Variants in TBC1D24 observed in about 807,000 individuals in gnomAD.
TBC1D24 encodes the protein Infantile myoclonic epilepsy.
A neutral mutation model predicts 50.7 loss-of-function variants in TBC1D24; 47 were observed. That is an observed-to-expected ratio of 0.93 (90% CI 0.73 to 1.18). TBC1D24 has a LOEUF of 1.18. Ranked by LOEUF, TBC1D24 falls within the 50% of genes most tolerant of loss-of-function variation. TBC1D24 has a pLI of 0.00. For missense variants in TBC1D24, 688 were observed against 766.5 expected (o/e 0.90, Z 1.21); for synonymous variants, 324 against 335.2 (o/e 0.97, Z 0.36).
chr16:2,495,440 G>C (rs1460811125), intron 1 of TBC1D24, among the ~76,000 whole-genome samples: 1 of 152,194 alleles, frequency 6.6e-6, no homozygotes, highest in Admixed American at 6.5e-5. Flanking sequence ...GAGCCCAGGA[G>C]TTCAAGACCA....
rs1438047924 is a variant in TBC1D24, at chr16:2,500,071, G to A, written c.1302+141G>A. 1 of 973,054 alleles carries A rather than the reference G, an allele frequency of 1.0e-6. No individual in the cohort carries two copies. The highest frequency in any genetic ancestry group is 1.6e-6 in the Non-Finnish European group (1 of 611,290). The allele number at this position is 973,054 out of a possible 1,614,324, so 60.3% of individuals were successfully genotyped here. On this transcript the variant is annotated intron_variant, in intron 6 of 7. Coordinates refer to ENST00000646147, the MANE Select transcript of TBC1D24 (RefSeq NM_001199107.2). The surrounding 1 kb of genome is among the most constrained non-coding windows in gnomAD (Gnocchi z 8.0). ...GCGTCATCGCCCTGTGTGCTTCCGGGTTTGATCATTCAGCCGTGCGCTGCT... is the reference window on the plus strand; with the variant it reads ...GCGTCATCGCCCTGTGTGCTTCCGGATTTGATCATTCAGCCGTGCGCTGCT...
intron 1 of TBC1D24, among the ~76,000 whole-genome samples, chr16:2,492,675 T>C (rs1263279141): frequency 2.0e-5 from 3 of 152,276 alleles, no homozygotes; most frequent in South Asian, 4.1e-4. Flanking sequence ...GGCCTGACCT[T>C]CAGGACCAGG....
At position 2,486,737 on chromosome 16, in the gene TBC1D24, GA is replaced by G. The variant is rs2065653705; in HGVS notation, c.-115-9295del. ...CTGAGCTGCTCTGGCATTTGCCTAA[GA>G]AGCATCTGTATCGAAACTGGCTTTG... On this transcript the variant is annotated intron_variant, in intron 1 of 7. Coordinates refer to ENST00000646147, the MANE Select transcript of TBC1D24 (RefSeq NM_001199107.2). The surrounding 1 kb of genome is among the most constrained non-coding windows in gnomAD (Gnocchi z 5.8). Among the ~76,000 whole-genome samples, 1 of 152,232 alleles carries G rather than the reference GA, an allele frequency of 6.6e-6. No homozygotes were observed. The highest frequency in any genetic ancestry group is 1.5e-5 in the Non-Finnish European group (1 of 68,036).
intron 1 of TBC1D24, 36 bp from the exon 2 acceptor site, chr16:2,495,998 A>C (rs1469932925): frequency 1.0e-6 from 1 of 981,008 alleles, no homozygotes; most frequent in Non-Finnish European, 1.5e-6. Flanking sequence ...TGAACCTTGA[A>C]ACACAGATGC....
rs2065745564 is a variant in TBC1D24 at position 2,496,779 on chromosome 16, G to A, written c.631G>A (p.Asp211Asn). The A allele has an allele frequency of 6.2e-7, 1 of 1,613,992 alleles. No homozygotes were observed. Among genetic ancestry groups the A allele is most frequent in the Non-Finnish European group, 8.5e-7 (1 of 1,180,050 alleles). The change falls in exon 2 of 8, where the codon GAC becomes AAC. Residue 211 changes from aspartate to asparagine, a missense_variant. Asp to Asn is a conservative substitution (Grantham distance 23). Transcript: ENST00000646147. ...VSEDVLQVYA[D>N]WQRWLFGELP... ...GGAGGATGTCCTGCAGGTCTATGCG[G>A]ACTGGCAGCGCTGGCTGTTTGGGGA...
At chr16:2,490,434 C>A (rs1247213419) in intron 1 of TBC1D24, among the ~76,000 whole-genome samples, 8 of 152,170 alleles carry the variant, frequency 5.3e-5, no homozygotes, top group Non-Finnish European at 1.5e-5. Context: ...GTGTTCATGG[C>A]GAGCAGCGAT....
At chr16:2,477,657 G>C (rs1042274121) in intron 1 of TBC1D24, 17 of 152,346 alleles carry the variant, frequency 1.1e-4, no homozygotes, top group African/African-American at 3.4e-4. Flanking sequence ...TTAAGACTTG[G>C]TCTCTGCCCT....
chr16:2,500,863 C>T lies in TBC1D24; in HGVS notation c.1585C>T (p.His529Tyr). The change falls in exon 8 of 8, where the codon CAC becomes TAC. Residue 529 changes from histidine (H) to tyrosine (Y), a missense_variant. By Grantham distance (83) the His-to-Tyr change is moderately conservative. Transcript: ENST00000646147. The surrounding 1 kb of genome is among the most constrained non-coding windows in gnomAD (Gnocchi z 8.0). The stretch of plus-strand genomic sequence containing the variant: ...GGACCTGAACCGGGGCCGCACAAGC[C>T]ACTGCGACACCTTCAACAACCAGCC... ...DGDLNRGRTS[H>Y]CDTFNNQPLC... 6.2e-7 allele frequency: 1 copy of T among 1,612,630 alleles called. No homozygotes were observed. The highest frequency in any genetic ancestry group is 8.5e-7 in the Non-Finnish European group (1 of 1,179,962).
rs992955244 is a variant in TBC1D24 at position 2,502,842 on chromosome 16, C to T, written c.*1884C>T. 4 of 152,920 alleles carry T rather than the reference C, an allele frequency of 2.6e-5. No individual in the cohort carries two copies. Among genetic ancestry groups the T allele is most frequent in the Non-Finnish European group, 4.4e-5 (3 of 68,120 alleles). The allele number at this position is 152,920 out of a possible 1,614,324, so 9.5% of individuals were successfully genotyped here. A position where few individuals can be genotyped will look rare whatever the true frequency, so the allele number is the denominator to read the frequency against. On this transcript the variant is annotated 3_prime_UTR_variant, in exon 8 of 8. Coordinates refer to ENST00000646147, the MANE Select transcript of TBC1D24 (RefSeq NM_001199107.2). ...ACCGCCAGCTTTGGTGTTCATTAAA[C>T]ATGGTCTTGCTGCATCAACTCCAGG...
In TBC1D24 at chr16:2,496,898, C is replaced by G. The variant is rs1555501289; in HGVS notation, c.750C>G (p.Phe250Leu). The change falls in exon 2 of 8, where the codon TTC becomes TTG. Residue 250 changes from phenylalanine (F) to leucine (L), a missense_variant. Phe to Leu is a conservative substitution (Grantham distance 22). Transcript: ENST00000646147. ...LYRVALAILK[F>L]FHKVRAGQPL... is the part of the protein sequence containing the mutation. ...GCGTGGCGCTGGCCATCCTCAAGTTCTTCCACAAGGTGAGGGCCGGGCAGC... is the reference window on the plus strand; with the variant it reads ...GCGTGGCGCTGGCCATCCTCAAGTTGTTCCACAAGGTGAGGGCCGGGCAGC... 9.9e-6 allele frequency: 16 copies of G among 1,614,108 alleles called. No homozygotes were observed. The highest frequency in any genetic ancestry group is 1.4e-5 in the Non-Finnish European group (16 of 1,180,044).
At position 2,487,748 on chromosome 16, in the gene TBC1D24, G is replaced by C. The variant is rs907063225; in HGVS notation, c.-115-8286G>C. Among the ~76,000 whole-genome samples the C allele has an allele frequency of 6.6e-5, 10 of 152,184 alleles. No homozygotes were observed. Among genetic ancestry groups the C allele is most frequent in the Non-Finnish European group, 1.5e-4 (10 of 68,032 alleles). On this transcript the variant is annotated intron_variant, in intron 1 of 7. Coordinates refer to ENST00000646147, the MANE Select transcript of TBC1D24 (RefSeq NM_001199107.2). This position sits in a 1 kb window ranked among gnomAD's most constrained non-coding sequence, Gnocchi z 4.1. ...TTGGGGATGGCAGGTGGTGTTACTA[G>C]TGGCAGCCTTGCCGGGGTGGCCTGT... is the stretch of plus-strand genomic sequence containing the variant.
rs897149492 is a variant in TBC1D24 at position 2,482,740 on chromosome 16, G to T, written c.-116+7570G>T. ...ACCTGGGAAGCAGCTGGAGGGACAGGTCTGGACCTCAAAGAAGGATTCTAG... is the reference window on the plus strand; with the variant it reads ...ACCTGGGAAGCAGCTGGAGGGACAGTTCTGGACCTCAAAGAAGGATTCTAG... On this transcript the variant is annotated intron_variant, in intron 1 of 7. Coordinates refer to ENST00000646147, the MANE Select transcript of TBC1D24 (RefSeq NM_001199107.2). The surrounding 1 kb of genome is among the most constrained non-coding windows in gnomAD (Gnocchi z 5.2). 2.6e-5 allele frequency among the ~76,000 whole-genome samples: 4 copies of T among 152,216 alleles called. No individual in the cohort carries two copies. Among genetic ancestry groups the T allele is most frequent in the African/African-American group, 9.7e-5 (4 of 41,442 alleles).
chr16:2,497,750 A>C (rs1311229761), intron 3 of TBC1D24, 23 bp downstream of exon 3: 2 of 1,535,602 alleles, frequency 1.3e-6, no homozygotes, highest in Non-Finnish European at 1.7e-6. Context: ...CTGTATCTGC[A>C]CACCTGGCCT....
intron 1 of TBC1D24, chr16:2,481,376 T>C (rs1240200920): frequency 6.6e-6 from 1 of 152,230 alleles, no homozygotes; most frequent in Non-Finnish European, 1.5e-5. Context: ...AGACTTTGTC[T>C]CTACCAGACA....
chr16:2,493,201 C>T (rs2065710326), intron 1 of TBC1D24, among the ~76,000 whole-genome samples: 1 of 151,882 alleles, frequency 6.6e-6, no homozygotes, highest in African/African-American at 2.4e-5. Flanking sequence ...TGCAGTGGCA[C>T]AATCTCGGCT....
At chr16:2,489,872 A>C (rs562493602) in intron 1 of TBC1D24, among the ~76,000 whole-genome samples, 1 of 152,354 alleles carries the variant, frequency 6.6e-6, no homozygotes, top group Non-Finnish European at 1.5e-5. Flanking sequence ...AAATCCCGCA[A>C]CAGAACAGGG....
chr16:2,489,374 G>A (rs2065678158), intron 1 of TBC1D24, among the ~76,000 whole-genome samples: 1 of 152,178 alleles, frequency 6.6e-6, no homozygotes, highest in South Asian at 2.1e-4. Flanking sequence ...GGAGTTTGCA[G>A]GGAGCCGAGA....
chr16:2,495,433 C>T (rs1167645919), intron 1 of TBC1D24, among the ~76,000 whole-genome samples: 1 of 152,078 alleles, frequency 6.6e-6, no homozygotes, highest in African/African-American at 2.4e-5. Context: ...ATTGCTTGAG[C>T]CCAGGAGTTC....
At chr16:2,497,609 T>C (rs2065754717) in intron 2 of TBC1D24, 101 bp from the exon 3 acceptor site, 2 of 1,228,998 alleles carry the variant, frequency 1.6e-6, no homozygotes, top group Non-Finnish European at 2.3e-6. Context: ...CTCTTTCTTC[T>C]GGGCCAGCAA....
Sources: allele counts gnomAD v4.1 joint callset (sites outside exome capture counted in the v4.1 genomes callset), GRCh38; gene constraint gnomAD v4.1.1; non-coding constraint Gnocchi (gnomAD v3.1); transcripts MANE v1.5; gene names NCBI Gene and HGNC (gene_info 2026-07-23, HGNC 2026-07-21).